The following GPR161 variants were observed in gnomAD, a reference collection of about 807,000 sequenced individuals.
The protein encoded by GPR161 is G protein-coupled receptor 161, also known as G-protein coupled receptor RE2.
GPR161 carries 25 observed loss-of-function variants against 39.2 expected under a neutral mutation model. That is an observed-to-expected ratio of 0.64 (90% CI 0.47 to 0.89). The LOEUF is 0.89. Ranked by LOEUF, GPR161 falls within the 40% of genes least tolerant of loss-of-function variation. The pLI, the probability that GPR161 is intolerant of heterozygous loss-of-function variation, is 0.00. For missense variants in GPR161, 547 were observed against 677.8 expected, an observed-to-expected ratio of 0.81 and a Z score of 2.14; for synonymous variants, 286 against 276.6, an observed-to-expected ratio of 1.03 and a Z score of -0.34.
chr1:168,134,883 G>A, intron 1 of GPR161: 1 of 1,533,774 alleles, frequency 6.5e-7, no homozygotes, highest in Non-Finnish European at 8.7e-7. Context: ...GCTGGCAGTG[G>A]AGTTTACACC....
intron 2 of GPR161, among the ~76,000 whole-genome samples, chr1:168,099,688 C>T (rs533270973): frequency 1.3e-5 from 2 of 152,312 alleles, no homozygotes; most frequent in East Asian, 3.9e-4. Flanking sequence ...CAGCTGCATC[C>T]TGAGTGCCAT....
intron 2 of GPR161, among the ~76,000 whole-genome samples, chr1:168,097,460 T>C (rs1018839560): frequency 6.6e-6 from 1 of 152,174 alleles, no homozygotes; most frequent in Non-Finnish European, 1.5e-5. Flanking sequence ...CGAACAGTCC[T>C]GTTTCCAAGT....
At chr1:168,087,773 C>T (rs1694684801) in intron 4 of GPR161, 69 bp from the exon 5 acceptor site, 1 of 1,477,464 alleles carries the variant, frequency 6.8e-7, no homozygotes, top group South Asian at 1.3e-5. Context: ...TCTCCCCTCT[C>T]AACACCCCTT....
intron 1 of GPR161, among the ~76,000 whole-genome samples, chr1:168,116,450 T>A (rs1231640460): frequency 6.6e-6 from 1 of 151,964 alleles, no homozygotes; most frequent in Non-Finnish European, 1.5e-5. Context: ...TTTACACACA[T>A]CAGTCACTAA....
At chr1:168,089,318 G>C (rs1380352639) in intron 4 of GPR161, 1 of 152,214 alleles carries the variant, frequency 6.6e-6, no homozygotes, top group African/African-American at 2.4e-5. Flanking sequence ...CTCAGGCCTA[G>C]AGGGCACAGT....
In GPR161 at chr1:168,081,637, G is replaced by C. The variant is rs555089179; in HGVS notation, c.*3894C>G. On this transcript the variant is annotated 3_prime_UTR_variant, in exon 6 of 6. Coordinates refer to ENST00000682931, the MANE Select transcript of GPR161 (RefSeq NM_001375883.1). ...TGAGGAAACTCATAAGTAGTGACTTGTTTGAAAACACCCATGTAATTGGAA... is the reference window on the plus strand; with the variant it reads ...TGAGGAAACTCATAAGTAGTGACTTCTTTGAAAACACCCATGTAATTGGAA... 2.6e-5 allele frequency: 4 copies of C among 152,238 alleles called. No homozygotes were observed. Among genetic ancestry groups the C allele is most frequent in the African/African-American group, 4.8e-5 (2 of 41,454 alleles). 9.4% of individuals were successfully genotyped at this position (152,238 alleles called of 1,614,324 possible). A position where few individuals can be genotyped will look rare whatever the true frequency, so the allele number is the denominator to read the frequency against.
chr1:168,087,736 C>G (rs1290329517), intron 4 of GPR161, 32 bp from the exon 5 acceptor site: 1 of 1,582,164 alleles, frequency 6.3e-7, no homozygotes, highest in African/African-American at 1.3e-5. Flanking sequence ...GCATATGTAA[C>G]TACAATCTAA....
intron 3 of GPR161, among the ~76,000 whole-genome samples, chr1:168,093,734 G>A (rs1024275543): frequency 6.6e-6 from 1 of 152,208 alleles, no homozygotes; most frequent in Non-Finnish European, 1.5e-5. Flanking sequence ...CCCACAGAGG[G>A]TCTGGTCAGC....
At position 168,103,505 on chromosome 1, in the gene GPR161, C is replaced by A. The variant is rs569730525; in HGVS notation, c.374+972G>T. Among the ~76,000 whole-genome samples the A allele has an allele frequency of 2.0e-5, 3 of 152,084 alleles. No homozygotes were observed. The East Asian group carries it at 5.8e-4, about 29-fold the overall frequency. On this transcript the variant is annotated intron_variant, in intron 2 of 5. Transcript: ENST00000682931. ...TGGTTCTGCCTCCCCAGTGCAGCCA[C>A]AAAGAGCTGCCAGATTCCAGCCTCA...
chr1:168,137,387 C>A, upstream of GPR161: 1 of 1,536,020 alleles, frequency 6.5e-7, no homozygotes, highest in Non-Finnish European at 8.7e-7. Flanking sequence ...CTTTGCTGCT[C>A]ACCTTTCATT....
intron 4 of GPR161, 62 bp from the exon 5 acceptor site, chr1:168,087,766 C>A (rs1572238333): frequency 6.6e-7 from 1 of 1,510,772 alleles, no homozygotes; most frequent in East Asian, 2.3e-5. Context: ...GGCCTCTTCT[C>A]CCCTCTCAAC....
In GPR161 at chr1:168,080,628, G is replaced by A. The variant is rs1333366121; in HGVS notation, c.*4903C>T. Reference sequence around the variant, plus strand: ...GATTAGGGATTCTGTGAACCCAAGAGCCACAGCCAGGCAGTCACTCTGTCA... The same window carrying A: ...GATTAGGGATTCTGTGAACCCAAGAACCACAGCCAGGCAGTCACTCTGTCA... On this transcript the variant is annotated 3_prime_UTR_variant, in exon 6 of 6. Transcript: ENST00000682931. 1 of 152,220 alleles carries A rather than the reference G, an allele frequency of 6.6e-6. No individual in the cohort carries two copies. The highest frequency in any genetic ancestry group is 2.4e-5 in the African/African-American group (1 of 41,422). The allele number at this position is 152,220 out of a possible 1,614,324, so 9.4% of individuals were successfully genotyped here.
chr1:168,089,335 A>G (rs1296015413), intron 4 of GPR161: 1 of 152,228 alleles, frequency 6.6e-6, no homozygotes, highest in Non-Finnish European at 1.5e-5. Context: ...CAGTGTGATC[A>G]GTGCTTCATA....
chr1:168,112,560 TAAAAAA>T (rs1470771681), intron 1 of GPR161, among the ~76,000 whole-genome samples: 1 of 105,886 alleles, frequency 9.4e-6, no homozygotes, highest in African/African-American at 3.5e-5. Context: ...GTAGGAACAA[TAAAAAA>T]TAAAATTTAG....
At chr1:168,113,260 C>A (rs1015166583) in intron 1 of GPR161, among the ~76,000 whole-genome samples, 1 of 152,134 alleles carries the variant, frequency 6.6e-6, no homozygotes, top group African/African-American at 2.4e-5. Flanking sequence ...CTACATCTTG[C>A]CCTGGCCAAG....
intron 1 of GPR161, among the ~76,000 whole-genome samples, chr1:168,126,875 T>C (rs926532021): frequency 4.6e-5 from 7 of 152,172 alleles, no homozygotes; most frequent in African/African-American, 1.7e-4. Flanking sequence ...AAATATTTTA[T>C]ATTTCCCCTA....
Position 168,104,614 on chromosome 1 carries a change from C to A in GPR161, c.237G>T (p.Leu79Phe), listed in dbSNP as rs1177661942. ...LTLSNFLLSVLVLPFVVTSSI... is the reference protein window; with the variant it reads ...LTLSNFLLSVFVLPFVVTSSI... ...AGCTCGTCACCACAAAAGGCAGCAC[C>A]AACACGGACAGCAGGAAGTTGGACA... Residue 79 changes from leucine (L) to phenylalanine (F), a missense_variant, in exon 2 of 6, where the codon TTG becomes TTT. Transcript: ENST00000682931. The A allele has an allele frequency of 1.9e-6, 3 of 1,614,106 alleles. No individual in the cohort carries two copies. The highest frequency in any genetic ancestry group is 2.5e-6 in the Non-Finnish European group (3 of 1,179,996).
intron 1 of GPR161, among the ~76,000 whole-genome samples, chr1:168,135,596 G>A (rs1699294170): frequency 6.6e-6 from 1 of 152,146 alleles, no homozygotes; most frequent in Non-Finnish European, 1.5e-5. Context: ...TAGATTATAA[G>A]GGAAAACCGC....
chr1:168,120,012 C>T (rs755555415), intron 1 of GPR161, among the ~76,000 whole-genome samples: 1 of 152,210 alleles, frequency 6.6e-6, no homozygotes, highest in Non-Finnish European at 1.5e-5. Context: ...GGGGTTGGAG[C>T]CCCACACGCT....
Sources: allele counts gnomAD v4.1 joint callset (sites outside exome capture counted in the v4.1 genomes callset), GRCh38; gene constraint gnomAD v4.1.1; transcripts MANE v1.5; gene names NCBI Gene and HGNC (gene_info 2026-07-23, HGNC 2026-07-21).